CARMIL1: variants seen among roughly 807,000 people sequenced by gnomAD.
CARMIL1 encodes F-actin-uncapping protein LRRC16A.
CARMIL1 carries 90 observed loss-of-function variants against 177.1 expected under a neutral mutation model. The observed-to-expected ratio is 0.51, with a 90% confidence interval of 0.43 to 0.61. The LOEUF is 0.61. Among genes scored for constraint, CARMIL1 ranks in the 20% least tolerant of loss-of-function variants. CARMIL1 has a pLI of 0.00. For missense variants in CARMIL1, 1,380 were observed against 1,667.0 expected (o/e 0.83, Z 3.00); for synonymous variants, 577 against 606.2 (o/e 0.95, Z 0.71).
intron 33 of CARMIL1, among the ~76,000 whole-genome samples, chr6:25,602,943 A>G (rs531037814): frequency 6.6e-6 from 1 of 152,348 alleles, no homozygotes; most frequent in South Asian, 2.1e-4. Flanking sequence ...TAGAGTTCAT[A>G]TATTTTCCTC....
chr6:25,472,478 A>C lies in CARMIL1; in HGVS notation c.831A>C (p.Gly277=). 1 of 1,583,944 alleles carries C rather than the reference A, an allele frequency of 6.3e-7. No individual in the cohort carries two copies. The part of the protein sequence containing the change: ...ASALAHNPNS[G]LHTINLAGNP... ...CTCTAGCACATAATCCCAACTCAGG[A>C]CTCCACACAATTAACCTTGCTGGCA... Residue 277 remains glycine (G), a synonymous_variant, in exon 11 of 37, where the codon GGA becomes GGC. Transcript: ENST00000329474.
chr6:25,587,876 C>T (rs1813904999), intron 31 of CARMIL1, among the ~76,000 whole-genome samples: 1 of 152,072 alleles, frequency 6.6e-6, no homozygotes, highest in Non-Finnish European at 1.5e-5. Context: ...CCAGAATGTG[C>T]CAGCTACAAC....
intron 9 of CARMIL1, among the ~76,000 whole-genome samples, chr6:25,466,941 C>T (rs925041122): frequency 6.6e-6 from 1 of 152,190 alleles, no homozygotes; most frequent in Non-Finnish European, 1.5e-5. Context: ...AGATAACTTA[C>T]CTGACCTTCC....
At chr6:25,370,595 G>A (rs1382371716) in intron 2 of CARMIL1, among the ~76,000 whole-genome samples, 1 of 152,164 alleles carries the variant, frequency 6.6e-6, no homozygotes, top group Admixed American at 6.5e-5. Context: ...GAGTCATACA[G>A]CCCCTGCATT....
intron 8 of CARMIL1, among the ~76,000 whole-genome samples, chr6:25,458,485 C>CA (rs750169275): frequency 0.036 from 2,433 of 67,676 alleles, 62 homozygotes; most frequent in African/African-American, 0.066. Flanking sequence ...GACTCTGTCT[C>CA]AAAAAAAAAA....
rs576282531 is a variant in CARMIL1 at position 25,476,654 on chromosome 6, T to G, written c.874+4133T>G. On this transcript the variant is annotated intron_variant, in intron 11 of 36. Transcript: ENST00000329474. ...TTGAAATTTCAATCTAGAGAAAACT[T>G]TTAGTAATTTTTGTTCCCAAGCTTT... Among the ~76,000 whole-genome samples, 152 of 152,308 alleles carry G rather than the reference T, an allele frequency of 1.0e-3. 2 individuals carry two copies. The highest frequency in any genetic ancestry group is 3.5e-3 in the African/African-American group (147 of 41,568).
chr6:25,615,280 A>T (rs1465140708), intron 36 of CARMIL1, among the ~76,000 whole-genome samples: 1 of 152,270 alleles, frequency 6.6e-6, no homozygotes, highest in Non-Finnish European at 1.5e-5. Flanking sequence ...TGAAACAAAC[A>T]GAGGCTATTG....
At chr6:25,314,289 A>G (rs1200698870) in intron 2 of CARMIL1, among the ~76,000 whole-genome samples, 37 of 138,794 alleles carry the variant, frequency 2.7e-4, no homozygotes, top group Non-Finnish European at 9.5e-5. Context: ...CCTGGCCAAC[A>G]TGGTGAAACC....
intron 24 of CARMIL1, among the ~76,000 whole-genome samples, chr6:25,533,489 G>A (rs144480952): frequency 8.1e-4 from 124 of 152,288 alleles, no homozygotes; most frequent in Non-Finnish European, 1.4e-3. Flanking sequence ...GATAATGCTT[G>A]AAAAGTATTT....
chr6:25,430,766 C>G (rs1395437366), intron 4 of CARMIL1, among the ~76,000 whole-genome samples: 3 of 152,120 alleles, frequency 2.0e-5, no homozygotes, highest in East Asian at 3.9e-4. Flanking sequence ...TATTAATATT[C>G]CTTAATGATA....
chr6:25,351,627 C>T (rs1788107173), intron 2 of CARMIL1, among the ~76,000 whole-genome samples: 1 of 152,160 alleles, frequency 6.6e-6, no homozygotes, highest in Non-Finnish European at 1.5e-5. Flanking sequence ...TCATTGTATT[C>T]ATGGTGTGGC....
At chr6:25,417,859 A>G (rs1422365513) in intron 2 of CARMIL1, among the ~76,000 whole-genome samples, 3 of 152,192 alleles carry the variant, frequency 2.0e-5, no homozygotes, top group Admixed American at 1.3e-4. Flanking sequence ...GACATCAAAT[A>G]TAGTTGTTGT....
At position 25,511,642 on chromosome 6, in the gene CARMIL1, A is replaced by AT. The variant is rs1361524214; in HGVS notation, c.1632+884dup. On this transcript the variant is annotated intron_variant, in intron 20 of 36. Transcript: ENST00000329474. ...GTATGTCACATTTGGAAAAAGTATC[A>AT]TTTTCCCTCCTGAATTCATACCAGG... 2.0e-5 allele frequency among the ~76,000 whole-genome samples: 3 copies of AT among 152,280 alleles called. No homozygotes were observed. In the East Asian group the frequency reaches 5.8e-4, roughly 29 times the overall value.
intron 2 of CARMIL1, among the ~76,000 whole-genome samples, chr6:25,357,867 C>T (rs2150381597): frequency 1.3e-5 from 2 of 152,244 alleles, no homozygotes; most frequent in South Asian, 4.2e-4. Context: ...ATGGCAGGTA[C>T]ATTACTTTCA....
At chr6:25,591,617 A>G (rs1349497249) in intron 31 of CARMIL1, among the ~76,000 whole-genome samples, 1 of 152,258 alleles carries the variant, frequency 6.6e-6, no homozygotes, top group South Asian at 2.1e-4. Context: ...CTGAAACAGC[A>G]TGTACATTTG....
chr6:25,389,858 G>T (rs976810073), intron 2 of CARMIL1, among the ~76,000 whole-genome samples: 1 of 152,184 alleles, frequency 6.6e-6, no homozygotes, highest in Non-Finnish European at 1.5e-5. Context: ...TGAGTTTCCT[G>T]CCTAGGAAAA....
intron 29 of CARMIL1, among the ~76,000 whole-genome samples, chr6:25,575,001 AC>A (rs1222853566): frequency 6.6e-6 from 1 of 152,238 alleles, no homozygotes; most frequent in Non-Finnish European, 1.5e-5. Context: ...TGTTTGCCAG[AC>A]ACTGTGCTAA....
intron 2 of CARMIL1, among the ~76,000 whole-genome samples, chr6:25,400,093 C>G (rs1355823863): frequency 6.6e-6 from 1 of 152,162 alleles, no homozygotes; most frequent in Non-Finnish European, 1.5e-5. Flanking sequence ...ACAATTATAT[C>G]TGTAGGTATT....
chr6:25,400,374 A>T (rs1413957864), intron 2 of CARMIL1, among the ~76,000 whole-genome samples: 1 of 152,136 alleles, frequency 6.6e-6, no homozygotes, highest in Non-Finnish European at 1.5e-5. Flanking sequence ...ATCTTCCTGG[A>T]TGCTTTTCCT....
Sources: allele counts gnomAD v4.1 joint callset (sites outside exome capture counted in the v4.1 genomes callset), GRCh38; gene constraint gnomAD v4.1.1; transcripts MANE v1.5; gene names NCBI Gene and HGNC (gene_info 2026-07-23, HGNC 2026-07-21).